Variants in AGO3 observed in about 807,000 individuals in gnomAD.
AGO3 encodes argonaute RISC catalytic component 3, also known as protein argonaute-3.
A neutral mutation model predicts 105.5 loss-of-function variants in AGO3; 16 were observed. The ratio of observed to expected loss-of-function variants is 0.15; its 90% CI spans 0.10 to 0.23. The LOEUF (loss-of-function observed/expected upper bound fraction) is 0.23, where lower values mean the gene tolerates loss of function less well. AGO3 is among the 10% of genes least tolerant of loss of function. The probability of loss-of-function intolerance (pLI) is 1.00; values close to 1 mark genes in which losing one functional copy is unlikely to be tolerated. For synonymous variants in AGO3, 340 were observed against 367.3 expected, an observed-to-expected ratio of 0.93 and a Z score of 0.85; for missense variants, 534 against 1,088.0, an observed-to-expected ratio of 0.49 and a Z score of 7.16.
At chr1:35,948,609 A>G (rs1646413676) in intron 2 of AGO3, among the ~76,000 whole-genome samples, 1 of 152,126 alleles carries the variant, frequency 6.6e-6, no homozygotes, top group South Asian at 2.1e-4. Context: ...GTGTGGGTAA[A>G]GGAAAATTTG....
chr1:35,930,834 G>GC (rs1646025596), upstream of AGO3: 1 of 188,390 alleles, frequency 5.3e-6, no homozygotes, highest in Admixed American at 6.2e-5. Flanking sequence ...GCCGCCAGCC[G>GC]CGACGTCGTC....
intron 17 of AGO3, among the ~76,000 whole-genome samples, chr1:36,054,501 C>T (rs533254704): frequency 6.6e-6 from 1 of 152,140 alleles, no homozygotes; most frequent in South Asian, 2.1e-4. Context: ...GTCTTGAACT[C>T]CTGGCCTCAA....
Position 36,004,359 on chromosome 1 carries a change from A to G in AGO3, c.677A>G (p.Tyr226Cys). The G allele has an allele frequency of 6.2e-7, 1 of 1,606,366 alleles. No individual in the cohort carries two copies. The highest frequency in any genetic ancestry group is 8.5e-7 in the Non-Finnish European group (1 of 1,176,122). The change falls in exon 6 of 19, where the codon TAC (tyrosine) becomes TGC (cysteine). Residue 226 changes from tyrosine (Y) to cysteine (C), a missense_variant. By Grantham distance (194) the Tyr-to-Cys change is radical. Around this residue, in one of 2 missense-constraint regions of AGO3, gnomAD observed 373 missense variants for 854.0 expected, o/e 0.44. Transcript: ENST00000373191. ...LNIDVSATAF[Y>C]KAQPVIQFMC... ...TTCTTAGTTTCTGCCACTGCCTTCT[A>G]CAAAGCACAACCTGTAATTCAGTTC...
chr1:36,040,238 T>C, intron 15 of AGO3, 69 bp from the exon 16 acceptor site: 2 of 1,488,148 alleles, frequency 1.3e-6, no homozygotes, highest in Non-Finnish European at 9.2e-7. Flanking sequence ...ATTAAATCAT[T>C]ATCCTACTTT....
chr1:35,950,065 A>G (rs886264594), intron 2 of AGO3, among the ~76,000 whole-genome samples: 3 of 152,168 alleles, frequency 2.0e-5, no homozygotes, highest in Non-Finnish European at 4.4e-5. Flanking sequence ...TACTAAAAGT[A>G]CAAAAATTAG....
chr1:35,985,020 C>T (rs147570138), intron 5 of AGO3, among the ~76,000 whole-genome samples: 113 of 152,098 alleles, frequency 7.4e-4, no homozygotes, highest in Non-Finnish European at 1.4e-3. Context: ...GGGCCAGGTA[C>T]GGTGGGTATG....
At chr1:35,977,298 C>T (rs1646971735) in intron 5 of AGO3, among the ~76,000 whole-genome samples, 1 of 145,602 alleles carries the variant, frequency 6.9e-6, no homozygotes, top group Non-Finnish European at 1.5e-5. Flanking sequence ...TTTAGGTTCA[C>T]TTTTGGTAGC....
intron 1 of AGO3, among the ~76,000 whole-genome samples, chr1:35,938,874 G>A (rs1188371501): frequency 2.0e-5 from 3 of 151,960 alleles, no homozygotes; most frequent in Non-Finnish European, 2.9e-5. Context: ...CACATTTGCT[G>A]TAGGCTATTG....
intron 2 of AGO3, among the ~76,000 whole-genome samples, chr1:35,966,297 A>T (rs1012951711): frequency 6.6e-6 from 1 of 152,206 alleles, no homozygotes; most frequent in African/African-American, 2.4e-5. Flanking sequence ...GCTTTTACAA[A>T]TGTGTGTACA....
At chr1:35,932,316 C>T (rs760035724) in intron 1 of AGO3, among the ~76,000 whole-genome samples, 1 of 152,184 alleles carries the variant, frequency 6.6e-6, no homozygotes, top group Non-Finnish European at 1.5e-5. Flanking sequence ...TGAAAGTATG[C>T]TTCAGACGAT....
chr1:36,030,662 C>CT (rs1158814706), intron 12 of AGO3, among the ~76,000 whole-genome samples: 1 of 151,942 alleles, frequency 6.6e-6, no homozygotes, highest in East Asian at 1.9e-4. Context: ...TTGATATTAC[C>CT]TTTTTCATCA....
chr1:36,026,954 C>G (rs1372332148), intron 11 of AGO3, among the ~76,000 whole-genome samples, 160 bp from the exon 12 acceptor site: 1 of 152,234 alleles, frequency 6.6e-6, no homozygotes, highest in East Asian at 1.9e-4. Flanking sequence ...GGATTACTGA[C>G]AGACCATTAC....
chr1:35,972,367 T>G, intron 4 of AGO3, 135 bp downstream of exon 4: 2 of 1,033,282 alleles, frequency 1.9e-6, no homozygotes, highest in Non-Finnish European at 2.8e-6. Context: ...ATAGCATCCA[T>G]ACAAATTCAT....
chr1:36,004,396 T>G lies in AGO3; in HGVS notation c.714T>G (p.Val238=). The G allele has an allele frequency of 6.2e-7, 1 of 1,609,834 alleles. No individual in the cohort carries two copies. The highest frequency in any genetic ancestry group is 1.3e-5 in the African/African-American group (1 of 75,030). ...AQPVIQFMCE[V]LDIHNIDEQP... ...CTGTAATTCAGTTCATGTGTGAAGT[T>G]CTTGATATTCATAATATTGATGAGC... Residue 238 remains valine, a synonymous_variant, in exon 6 of 19, where the codon GTT becomes GTG. Coordinates refer to ENST00000373191, the MANE Select transcript of AGO3 (RefSeq NM_024852.4).
chr1:36,017,218 A>C, intron 11 of AGO3, among the ~76,000 whole-genome samples: 1 of 152,336 alleles, frequency 6.6e-6, no homozygotes, highest in African/African-American at 2.4e-5. Flanking sequence ...TCTCAGGAGA[A>C]TAACCCTAAG....
At chr1:35,997,943 C>T (rs934969633) in intron 5 of AGO3, among the ~76,000 whole-genome samples, 3 of 152,070 alleles carry the variant, frequency 2.0e-5, no homozygotes, top group East Asian at 1.9e-4. Flanking sequence ...GTGATCCACC[C>T]GCCTTGGCCT....
At chr1:35,990,063 A>G (rs1647476603) in intron 5 of AGO3, among the ~76,000 whole-genome samples, 5 of 152,206 alleles carry the variant, frequency 3.3e-5, no homozygotes, top group Admixed American at 3.3e-4. Flanking sequence ...ACTGAAGTTT[A>G]GAGACAGAAA....
chr1:36,005,900 A>G lies in AGO3; in HGVS notation c.793+1425A>G, dbSNP rs983057787. 5 of 984,878 alleles carry G rather than the reference A, an allele frequency of 5.1e-6. No individual in the cohort carries two copies. In the Admixed American group the frequency reaches 2.5e-4, roughly 48 times the overall value. 61.0% of individuals were successfully genotyped at this position (984,878 alleles called of 1,614,324 possible). On this transcript the variant is annotated intron_variant, in intron 6 of 18. Transcript: ENST00000373191. ...AGGTTAAATATTTATTAAAGCCAAA[A>G]GTGTTTTTTTGGTTGGATGGAGGGT...
intron 2 of AGO3, among the ~76,000 whole-genome samples, chr1:35,949,400 G>T (rs1476310266): frequency 1.3e-5 from 2 of 152,148 alleles, no homozygotes; most frequent in Non-Finnish European, 2.9e-5. Context: ...AGTTTTTACA[G>T]TATTACTGCA....
Sources: allele counts gnomAD v4.1 joint callset (sites outside exome capture counted in the v4.1 genomes callset), GRCh38; gene constraint gnomAD v4.1.1; regional missense constraint gnomAD v4.1.1; transcripts MANE v1.5; gene names NCBI Gene and HGNC (gene_info 2026-07-23, HGNC 2026-07-21).